Variants in GRM4 observed in about 807,000 individuals in gnomAD.
GRM4 encodes glutamate metabotropic receptor 4, also known as metabotropic glutamate receptor 4.
Under a neutral mutation model 81.7 loss-of-function variants are expected in GRM4, and 28 were observed. The observed-to-expected ratio is 0.34, with a 90% CI of 0.25 to 0.47. The LOEUF (loss-of-function observed/expected upper bound fraction) is 0.47, where lower values mean the gene tolerates loss of function less well. GRM4 is among the 20% of genes least tolerant of loss of function. The pLI is 1.00. For synonymous variants in GRM4, 488 were observed against 528.8 expected, an observed-to-expected ratio of 0.92 and a Z score of 1.06; for missense variants, 948 against 1,290.0, an observed-to-expected ratio of 0.73 and a Z score of 4.06.
chr6:34,029,943 A>G (rs2451378), intron 9 of GRM4, among the ~76,000 whole-genome samples: 46,645 of 152,146 alleles, frequency 0.31, 9,594 homozygotes, highest in African/African-American at 0.58. Context: ...AGGCCCAGGG[A>G]AAATGAAAGC....
At chr6:34,088,473 T>C (rs1275964358) in intron 3 of GRM4, among the ~76,000 whole-genome samples, 1 of 152,140 alleles carries the variant, frequency 6.6e-6, no homozygotes, top group Admixed American at 6.5e-5. Context: ...GATAAGAAAC[T>C]GAGCCCAGAA....
At position 34,133,118 on chromosome 6, in the gene GRM4, T is replaced by A; in HGVS notation, c.379A>T (p.Ile127Phe). The change falls in exon 2 of 11, where the codon ATC becomes TTC. Residue 127 changes from isoleucine to phenylalanine, a missense_variant. Ile to Phe is a conservative substitution (Grantham distance 21). Coordinates refer to ENST00000538487, the MANE Select transcript of GRM4 (RefSeq NM_000841.4). The surrounding 1 kb of genome is among the most constrained non-coding windows in gnomAD (Gnocchi z 6.5). Reference sequence around the variant, plus strand: ...CGGACCTCTGTGCCATCCTTCTCGATGAGCGCCTGCACAAAGGTCAGCGAC... The same window carrying A: ...CGGACCTCTGTGCCATCCTTCTCGAAGAGCGCCTGCACAAAGGTCAGCGAC... ...EQSLTFVQALIEKDGTEVRCG... is the reference protein window; with the variant it reads ...EQSLTFVQALFEKDGTEVRCG... 6.2e-7 allele frequency: 1 copy of A among 1,614,070 alleles called. No homozygotes were observed. Among genetic ancestry groups the A allele is most frequent in the Non-Finnish European group, 8.5e-7 (1 of 1,179,946 alleles).
intron 5 of GRM4, among the ~76,000 whole-genome samples, chr6:34,057,205 A>G (rs115703408): frequency 0.014 from 2,196 of 152,130 alleles, 32 homozygotes; most frequent in African/African-American, 0.038. Context: ...CGTGGCTCAC[A>G]CTTCTGCTCT....
chr6:34,079,132 A>AGTG (rs1231595993), intron 3 of GRM4, among the ~76,000 whole-genome samples: 1 of 152,238 alleles, frequency 6.6e-6, no homozygotes, highest in African/African-American at 2.4e-5. Flanking sequence ...AGTGAGGAAC[A>AGTG]GTGGCTCATC....
rs1763781406 is a variant in GRM4 at position 34,019,062 on chromosome 6, G to C, written c.*3759C>G. 2 of 152,310 alleles carry C rather than the reference G, an allele frequency of 1.3e-5. No homozygotes were observed. The highest frequency in any genetic ancestry group is 1.3e-4 in the Admixed American group (2 of 15,290). The allele number at this position is 152,310 out of a possible 1,614,324, so 9.4% of individuals were successfully genotyped here. A position where few individuals can be genotyped will look rare whatever the true frequency, so the allele number is the denominator to read the frequency against. On this transcript the variant is annotated 3_prime_UTR_variant, in exon 11 of 11. Transcript: ENST00000538487. ...TCAGCATCTTCTCAGGGGCTCCCCA[G>C]GACCCCTTGGAGGCCTGGAGGCTGA...
In GRM4 at chr6:34,092,329, A is replaced by G. The variant is rs1433981390; in HGVS notation, c.520-230T>C. The stretch of plus-strand genomic sequence containing the variant: ...CAGATACACACACAGGCACACACAT[A>G]CATACACCACACACACATACACCCT... On this transcript the variant is annotated intron_variant, in intron 2 of 10. Transcript: ENST00000538487. The surrounding 1 kb of genome is among the most constrained non-coding windows in gnomAD (Gnocchi z 6.8). Among the ~76,000 whole-genome samples, 1 of 152,178 alleles carries G rather than the reference A, an allele frequency of 6.6e-6. No individual in the cohort carries two copies.
chr6:34,142,647 G>T (rs536911148), intron 1 of GRM4, among the ~76,000 whole-genome samples: 1 of 152,176 alleles, frequency 6.6e-6, no homozygotes, highest in Non-Finnish European at 1.5e-5. Flanking sequence ...GCCTGAACCC[G>T]GCCCCCTGAC....
chr6:34,113,042 T>C (rs760173495), intron 2 of GRM4, among the ~76,000 whole-genome samples: 1 of 152,184 alleles, frequency 6.6e-6, no homozygotes, highest in African/African-American at 2.4e-5. Flanking sequence ...ATAATGACCT[T>C]CCATTTACAG....
intron 3 of GRM4, among the ~76,000 whole-genome samples, chr6:34,082,253 G>C (rs1767642593): frequency 1.3e-5 from 2 of 152,290 alleles, no homozygotes; most frequent in East Asian, 1.9e-4. Flanking sequence ...TTCCAGTTTA[G>C]AGATTTGTCA....
chr6:34,148,066 C>T (rs1415545488), upstream of GRM4, among the ~76,000 whole-genome samples: 1 of 134,294 alleles, frequency 7.4e-6, no homozygotes, highest in East Asian at 2.6e-4. Flanking sequence ...CCCCCACCAG[C>T]TGTGTCGCAG....
intron 1 of GRM4, among the ~76,000 whole-genome samples, chr6:34,142,168 C>T (rs1451205874): frequency 6.6e-6 from 1 of 152,242 alleles, no homozygotes; most frequent in Non-Finnish European, 1.5e-5. Flanking sequence ...CCCACCAGTG[C>T]AAGCCCCTTA....
At chr6:34,056,518 C>T (rs764182665) in intron 6 of GRM4, 26 bp downstream of exon 6, 7 of 1,599,686 alleles carry the variant, frequency 4.4e-6, no homozygotes, top group Middle Eastern at 1.9e-4. Context: ...AGAGCCCGCC[C>T]GGCCCTGCCC....
At chr6:34,131,206 G>A (rs531649034) in intron 2 of GRM4, among the ~76,000 whole-genome samples, 132 of 152,330 alleles carry the variant, frequency 8.7e-4, no homozygotes, top group Non-Finnish European at 1.6e-3. Flanking sequence ...TGCAAAAGAT[G>A]ATCACAGCGA....
chr6:34,142,121 G>A (rs981481515), intron 1 of GRM4, among the ~76,000 whole-genome samples: 6 of 152,242 alleles, frequency 3.9e-5, no homozygotes, highest in African/African-American at 1.4e-4. Context: ...CTGAGTGGGA[G>A]TGACAGAGAG....
chr6:34,068,105 C>A lies in GRM4; in HGVS notation c.737-6077G>T, dbSNP rs1766581366. ...CAGGGTGGGAAGGAACCGTAAACAT[C>A]CTGGAATCGGTGCAGAGGAGGACAG... On this transcript the variant is annotated intron_variant, in intron 3 of 10. Coordinates refer to ENST00000538487, the MANE Select transcript of GRM4 (RefSeq NM_000841.4). This position sits in a 1 kb window ranked among gnomAD's most constrained non-coding sequence, Gnocchi z 4.2. Among the ~76,000 whole-genome samples the A allele has an allele frequency of 1.3e-5, 2 of 152,196 alleles. No individual in the cohort carries two copies. The highest frequency in any genetic ancestry group is 6.5e-5 in the Admixed American group (1 of 15,280).
rs1017250056 is a variant in GRM4 at position 34,027,923 on chromosome 6, T to C, written c.2689+197A>G. The stretch of plus-strand genomic sequence containing the variant: ...AGGAGGGGCAGGACAGAACGGGCTC[T>C]AATGTGGTGCCTCAGGGCTCTCCCT... On this transcript the variant is annotated intron_variant, in intron 10 of 10. Transcript: ENST00000538487. 1.3e-5 allele frequency among the ~76,000 whole-genome samples: 2 copies of C among 152,170 alleles called. 1 individual carries two copies. The highest frequency in any genetic ancestry group is 4.8e-5 in the African/African-American group (2 of 41,452).
chr6:34,065,502 C>A lies in GRM4; in HGVS notation c.737-3474G>T, dbSNP rs373361513. On this transcript the variant is annotated intron_variant, in intron 3 of 10. Coordinates refer to ENST00000538487, the MANE Select transcript of GRM4 (RefSeq NM_000841.4). ...GCTGGAGCCCTCCACTCCCCAGGCT[C>A]CAGGCACAGGACCATACGGGGAGGG... 2.2e-3 allele frequency among the ~76,000 whole-genome samples: 329 copies of A among 152,330 alleles called. 2 individuals carry two copies. The highest frequency in any genetic ancestry group is 6.1e-3 in the African/African-American group (255 of 41,584).
chr6:34,032,205 C>A (rs1376346487), intron 9 of GRM4, among the ~76,000 whole-genome samples: 1 of 152,102 alleles, frequency 6.6e-6, no homozygotes, highest in African/African-American at 2.4e-5. Flanking sequence ...TCAACCCATC[C>A]CCGCTTAATC....
chr6:34,128,413 T>C (rs1193898698), intron 2 of GRM4, among the ~76,000 whole-genome samples: 2 of 150,730 alleles, frequency 1.3e-5, no homozygotes, highest in Admixed American at 6.6e-5. Flanking sequence ...AGTTTCGCTC[T>C]TGTCGCCCAG....
Sources: allele counts gnomAD v4.1 joint callset (sites outside exome capture counted in the v4.1 genomes callset), GRCh38; gene constraint gnomAD v4.1.1; non-coding constraint Gnocchi (gnomAD v3.1); transcripts MANE v1.5; gene names NCBI Gene and HGNC (gene_info 2026-07-23, HGNC 2026-07-21).